PI4K2B: variants seen among roughly 807,000 people sequenced by gnomAD.
PI4K2B encodes the protein phosphatidylinositol 4-kinase type 2 beta.
In PI4K2B, 46 loss-of-function variants were observed where a neutral mutation model predicts 56.6. That is an observed-to-expected ratio of 0.81 (90% CI 0.64 to 1.04). The LOEUF is 1.04. PI4K2B is among the 50% of genes least tolerant of loss of function. PI4K2B has a pLI of 0.00. For missense variants in PI4K2B, 556 were observed against 607.7 expected (o/e 0.91, Z 0.89); for synonymous variants, 211 against 223.8 (o/e 0.94, Z 0.51).
chr4:25,234,472 CG>C, intron 1 of PI4K2B, 41 bp downstream of exon 1: 1 of 1,233,544 alleles, frequency 8.1e-7, no homozygotes, highest in African/African-American at 1.6e-5. Flanking sequence ...CCCCTCCGGG[CG>C]GCTGCCCCTG....
At chr4:25,275,378 G>A (rs1010559778) in intron 9 of PI4K2B, among the ~76,000 whole-genome samples, 2 of 152,008 alleles carry the variant, frequency 1.3e-5, no homozygotes, top group Non-Finnish European at 2.9e-5. Context: ...AAATTTTAAG[G>A]GAAGGCTGGG....
At chr4:25,251,806 A>ATGT (rs386356765) in intron 1 of PI4K2B, among the ~76,000 whole-genome samples, 5,202 of 117,746 alleles carry the variant, frequency 0.044, 185 homozygotes, top group East Asian at 0.18. Flanking sequence ...ACTTCCTCCC[A>ATGT]TGTTGTTGTT....
At chr4:25,249,812 CG>C (rs1273687974) in intron 1 of PI4K2B, among the ~76,000 whole-genome samples, 2 of 152,182 alleles carry the variant, frequency 1.3e-5, no homozygotes, top group East Asian at 3.9e-4. Context: ...ACTTCCTAGA[CG>C]GGGTGGCGGT....
chr4:25,273,926 T>C (rs1182679680), intron 9 of PI4K2B, among the ~76,000 whole-genome samples: 2 of 152,156 alleles, frequency 1.3e-5, no homozygotes, highest in Non-Finnish European at 2.9e-5. Flanking sequence ...TCTGAACTGC[T>C]CTTCCTTCCC....
rs1218245207 is a variant in PI4K2B, at chr4:25,278,534, A to G, written c.*1347A>G. On this transcript the variant is annotated 3_prime_UTR_variant, in exon 10 of 10. Coordinates refer to ENST00000264864, the MANE Select transcript of PI4K2B (RefSeq NM_018323.4). ...GATCTGCCATTCCTTTTTCCCTTAT[A>G]TCTTCCTTTTGGTCTTCATGGACGA... 1.3e-5 allele frequency: 2 copies of G among 152,580 alleles called. No individual in the cohort carries two copies. Among genetic ancestry groups the G allele is most frequent in the African/African-American group, 4.8e-5 (2 of 41,434 alleles). 9.5% of individuals were successfully genotyped at this position (152,580 alleles called of 1,614,324 possible). A position where few individuals can be genotyped will look rare whatever the true frequency, so the allele number is the denominator to read the frequency against.
intron 9 of PI4K2B, among the ~76,000 whole-genome samples, chr4:25,270,892 C>T (rs1716865060): frequency 6.6e-6 from 1 of 152,130 alleles, no homozygotes; most frequent in Admixed American, 6.5e-5. Context: ...TAGCTGTTTG[C>T]CACAATACCT....
rs77975165 is a variant in PI4K2B, at chr4:25,267,350, T to C, written c.1079-1093T>C. Among the ~76,000 whole-genome samples the C allele has an allele frequency of 0.015, 2,233 of 152,340 alleles. 129 individuals are homozygous for C. The East Asian group carries it at 0.18, about 12-fold the overall frequency. ...GAGATGTGAGCCAGGGGAAATGCTT[T>C]CTTTAGAATGAAAAGTGACCTTCCT... On this transcript the variant is annotated intron_variant, in intron 7 of 9. Coordinates refer to ENST00000264864, the MANE Select transcript of PI4K2B (RefSeq NM_018323.4).
intron 9 of PI4K2B, chr4:25,276,335 T>C: frequency 2.7e-6 from 1 of 374,782 alleles, no homozygotes; most frequent in Non-Finnish European, 3.7e-6. Context: ...TTCCCTAATT[T>C]TATTTTTCTT....
chr4:25,243,259 C>T (rs1428066511), intron 1 of PI4K2B, among the ~76,000 whole-genome samples: 5 of 152,214 alleles, frequency 3.3e-5, no homozygotes, highest in Non-Finnish European at 7.3e-5. Flanking sequence ...GGCTTCTGAC[C>T]CAGGGAACCT....
Position 25,278,412 on chromosome 4 carries a change from G to A in PI4K2B, c.*1225G>A, listed in dbSNP as rs773577450. ...CTTGGGCTTAACTGGGTAATTTGTG[G>A]TCTAGGCCTTTTGTTTTCTAAGCTT... On this transcript the variant is annotated 3_prime_UTR_variant, in exon 10 of 10. Transcript: ENST00000264864. The A allele has an allele frequency of 1.3e-5, 2 of 152,170 alleles. No individual in the cohort carries two copies. Among genetic ancestry groups the A allele is most frequent in the African/African-American group, 2.4e-5 (1 of 41,428 alleles). 9.4% of individuals were successfully genotyped at this position (152,170 alleles called of 1,614,324 possible).
intron 9 of PI4K2B, among the ~76,000 whole-genome samples, chr4:25,275,165 ATTAACTGTTAC>A (rs1189916494): frequency 6.6e-6 from 1 of 152,222 alleles, no homozygotes; most frequent in Non-Finnish European, 1.5e-5. Flanking sequence ...TCAGGAAAAT[ATTAACTGTTAC>A]TTAAATTGGT....
chr4:25,240,881 TTGTCTCTCTGTTTC>T (rs1198587415), intron 1 of PI4K2B, among the ~76,000 whole-genome samples: 1 of 152,146 alleles, frequency 6.6e-6, no homozygotes, highest in African/African-American at 2.4e-5. Flanking sequence ...CTCCTTCTCT[TTGTCTCTCTGTTTC>T]TGTCTCTCTG....
intron 7 of PI4K2B, among the ~76,000 whole-genome samples, chr4:25,264,306 G>C (rs2109020905): frequency 6.6e-6 from 1 of 151,938 alleles, no homozygotes; most frequent in African/African-American, 2.4e-5. Flanking sequence ...CCAGTTTTAG[G>C]CACTTTTATT....
chr4:25,252,500 A>G (rs749136675), intron 2 of PI4K2B, 25 bp downstream of exon 2: 2 of 1,445,238 alleles, frequency 1.4e-6, no homozygotes, highest in Non-Finnish European at 1.9e-6. Flanking sequence ...GACCTATTAT[A>G]TGTAATGGAA....
At position 25,279,012 on chromosome 4, in the gene PI4K2B, G is replaced by C. The variant is rs955062082; in HGVS notation, c.*1825G>C. On this transcript the variant is annotated 3_prime_UTR_variant, in exon 10 of 10. Transcript: ENST00000264864. ...CATGAACTGAATTCTTATTTAAATAGTATGGTTTTTTTTCAATAAGTATAT... is the reference window on the plus strand; with the variant it reads ...CATGAACTGAATTCTTATTTAAATACTATGGTTTTTTTTCAATAAGTATAT... 1.3e-5 allele frequency: 2 copies of C among 152,050 alleles called. No homozygotes were observed. Among genetic ancestry groups the C allele is most frequent in the South Asian group, 4.2e-4 (2 of 4,814 alleles). The allele number at this position is 152,050 out of a possible 1,614,324, so 9.4% of individuals were successfully genotyped here. A position where few individuals can be genotyped will look rare whatever the true frequency, so the allele number is the denominator to read the frequency against.
intron 6 of PI4K2B, among the ~76,000 whole-genome samples, chr4:25,263,362 G>A (rs553895939): frequency 1.1e-3 from 170 of 151,908 alleles, no homozygotes; most frequent in Non-Finnish European, 1.9e-3. Context: ...GAAAGACTAG[G>A]TCTTAATAAG....
chr4:25,240,490 G>A (rs1376228495), intron 1 of PI4K2B, among the ~76,000 whole-genome samples: 2 of 152,142 alleles, frequency 1.3e-5, no homozygotes, highest in African/African-American at 4.8e-5. Context: ...TATAAGTAGG[G>A]GTATTAATTG....
chr4:25,253,805 TC>T (rs1200277035), intron 2 of PI4K2B, among the ~76,000 whole-genome samples: 1 of 152,246 alleles, frequency 6.6e-6, no homozygotes, highest in African/African-American at 2.4e-5. Context: ...GGATTCTCAC[TC>T]TGTCGCCCAG....
intron 1 of PI4K2B, among the ~76,000 whole-genome samples, chr4:25,239,623 C>T (rs1330237434): frequency 6.6e-6 from 1 of 152,232 alleles, no homozygotes; most frequent in Admixed American, 6.5e-5. Context: ...CCCTCCACAC[C>T]TCCCCACAAG....
Sources: allele counts gnomAD v4.1 joint callset (sites outside exome capture counted in the v4.1 genomes callset), GRCh38; gene constraint gnomAD v4.1.1; transcripts MANE v1.5; gene names NCBI Gene and HGNC (gene_info 2026-07-23, HGNC 2026-07-21).